Variants in CPED1 observed in about 807,000 individuals in gnomAD.
The protein encoded by CPED1 is cadherin-like and PC-esterase domain-containing protein 1.
Under a neutral mutation model 128.2 loss-of-function variants are expected in CPED1, and 114 were observed. The observed-to-expected ratio is 0.89, with a 90% confidence interval of 0.76 to 1.04. The LOEUF (loss-of-function observed/expected upper bound fraction) is 1.04, where lower values mean the gene tolerates loss of function less well. CPED1 is among the 50% of genes least tolerant of loss of function. The pLI is 0.00. For missense variants in CPED1, 1,211 were observed against 1,207.1 expected (o/e 1.00, Z -0.05); for synonymous variants, 462 against 426.7 (o/e 1.08, Z -1.02).
intron 2 of CPED1, among the ~76,000 whole-genome samples, chr7:120,997,466 T>A (rs773585151): frequency 6.6e-6 from 1 of 152,120 alleles, no homozygotes; most frequent in Non-Finnish European, 1.5e-5. Flanking sequence ...GTATTATGGG[T>A]TAAATTGTGT....
At chr7:121,079,432 C>G (rs1367358679) in intron 5 of CPED1, among the ~76,000 whole-genome samples, 1 of 152,222 alleles carries the variant, frequency 6.6e-6, no homozygotes, top group Non-Finnish European at 1.5e-5. Flanking sequence ...ATTAATCTTT[C>G]CTTCCCTTCA....
chr7:121,271,361 C>A lies in CPED1; in HGVS notation c.2799C>A (p.Asp933Glu). ...TAKKHGYEVVDTFTITMGRYK... is the reference protein window; with the variant it reads ...TAKKHGYEVVETFTITMGRYK... ...AAAAACATGGCTATGAAGTAGTTGA[C>A]ACATTCACTATAACAATGGGGCGTT... Residue 933 changes from aspartate (D) to glutamate (E), a missense_variant, in exon 22 of 23, where the codon GAC becomes GAA. Physicochemically the swap from Asp to Glu is conservative, Grantham distance 45. Transcript: ENST00000310396. 6.2e-7 allele frequency: 1 copy of A among 1,612,424 alleles called. No homozygotes were observed. Among genetic ancestry groups the A allele is most frequent in the Non-Finnish European group, 8.5e-7 (1 of 1,178,786 alleles).
chr7:121,254,878 C>A, intron 18 of CPED1, among the ~76,000 whole-genome samples: 1 of 150,100 alleles, frequency 6.7e-6, no homozygotes, highest in Admixed American at 6.6e-5. Flanking sequence ...TTGAATAGAC[C>A]AATATTGAGC....
At chr7:121,186,740 C>G (rs1797013281) in intron 16 of CPED1, among the ~76,000 whole-genome samples, 1 of 152,160 alleles carries the variant, frequency 6.6e-6, no homozygotes, top group Non-Finnish European at 1.5e-5. Context: ...CTGGTTTCAT[C>G]AAGCAATCAA....
chr7:121,007,798 T>C (rs1331867772), intron 2 of CPED1, among the ~76,000 whole-genome samples: 1 of 151,926 alleles, frequency 6.6e-6, no homozygotes, highest in Non-Finnish European at 1.5e-5. Flanking sequence ...ATCCTGTTGC[T>C]GCTTCTCTTT....
intron 2 of CPED1, among the ~76,000 whole-genome samples, chr7:121,014,327 C>T (rs985124987): frequency 7.2e-5 from 11 of 152,034 alleles, no homozygotes; most frequent in African/African-American, 2.4e-4. Flanking sequence ...CCGAGGTGGG[C>T]GGATCACGAG....
intron 17 of CPED1, among the ~76,000 whole-genome samples, chr7:121,243,695 A>G (rs1162255213): frequency 6.6e-6 from 1 of 152,262 alleles, no homozygotes; most frequent in Non-Finnish European, 1.5e-5. Context: ...ATCAAATCAA[A>G]GAAAAATAAC....
chr7:121,269,453 G>A (rs1357372853), intron 21 of CPED1, among the ~76,000 whole-genome samples: 1 of 152,022 alleles, frequency 6.6e-6, no homozygotes. Context: ...GTGCTGTGAT[G>A]AACATAGAAA....
intron 5 of CPED1, among the ~76,000 whole-genome samples, chr7:121,097,279 T>C (rs1266203557): frequency 6.6e-6 from 1 of 152,136 alleles, no homozygotes; most frequent in African/African-American, 2.4e-5. Flanking sequence ...GTTTAGTATA[T>C]CAGCATTGTA....
intron 14 of CPED1, among the ~76,000 whole-genome samples, chr7:121,138,046 A>G (rs1430929685): frequency 6.6e-6 from 1 of 152,022 alleles, no homozygotes; most frequent in African/African-American, 2.4e-5. Flanking sequence ...TTTTATGCTG[A>G]TAAAAATTAG....
chr7:121,280,009 C>A (rs1431281921), intron 22 of CPED1, among the ~76,000 whole-genome samples: 1 of 152,104 alleles, frequency 6.6e-6, no homozygotes, highest in Admixed American at 6.6e-5. Context: ...TGGTGCTGAG[C>A]AAATTAATAC....
At chr7:121,095,008 G>A (rs1917113) in intron 5 of CPED1, among the ~76,000 whole-genome samples, 43,917 of 151,956 alleles carry the variant, frequency 0.29, 6,782 homozygotes, top group Middle Eastern at 0.39. Flanking sequence ...CATATTATGC[G>A]GGCAGGAAAG....
At chr7:121,193,627 A>C (rs1178566968) in intron 16 of CPED1, among the ~76,000 whole-genome samples, 1 of 152,130 alleles carries the variant, frequency 6.6e-6, no homozygotes, top group Non-Finnish European at 1.5e-5. Context: ...GAAAAGTAGG[A>C]AAATAGAGAG....
At chr7:121,049,947 A>G (rs1793305440) in intron 4 of CPED1, among the ~76,000 whole-genome samples, 1 of 152,228 alleles carries the variant, frequency 6.6e-6, no homozygotes, top group Admixed American at 6.5e-5. Flanking sequence ...AATGCCCACA[A>G]CAAATACTTG....
intron 16 of CPED1, among the ~76,000 whole-genome samples, chr7:121,220,223 A>T (rs1797846544): frequency 6.6e-6 from 1 of 152,092 alleles, no homozygotes; most frequent in South Asian, 2.1e-4. Flanking sequence ...TGAGCCAAGC[A>T]TGGAAATCAT....
chr7:121,014,279 G>A (rs1218263559), intron 2 of CPED1, among the ~76,000 whole-genome samples: 3 of 152,192 alleles, frequency 2.0e-5, no homozygotes, highest in Non-Finnish European at 2.9e-5. Context: ...TGGGCCGGGT[G>A]CGGTGGCTCA....
chr7:121,173,807 G>A (rs930576371), intron 16 of CPED1, among the ~76,000 whole-genome samples: 1 of 151,974 alleles, frequency 6.6e-6, no homozygotes, highest in African/African-American at 2.4e-5. Context: ...GGAATTGCCT[G>A]ACTGCTTTCC....
At chr7:121,077,658 A>C (rs1794165287) in intron 5 of CPED1, among the ~76,000 whole-genome samples, 1 of 150,992 alleles carries the variant, frequency 6.6e-6, no homozygotes, top group East Asian at 1.9e-4. Flanking sequence ...TAATGCATAC[A>C]TTATATATAT....
At chr7:121,102,565 T>G (rs999226288) in intron 7 of CPED1, among the ~76,000 whole-genome samples, 4 of 152,140 alleles carry the variant, frequency 2.6e-5, no homozygotes, top group African/African-American at 7.2e-5. Context: ...TCATCAAGGC[T>G]GAAGGTTGAC....
Sources: gnomAD v4.1 joint callset for allele counts (sites outside exome capture counted in the v4.1 genomes callset) on GRCh38, gnomAD v4.1.1 for gene constraint, MANE v1.5 for transcripts, NCBI Gene and HGNC (gene_info 2026-07-23, HGNC 2026-07-21) for gene names.